CFAP54: variants seen among roughly 807,000 people sequenced by gnomAD.
CFAP54 encodes cilia and flagella associated protein 54.
CFAP54 carries 290 observed loss-of-function variants against 370.4 expected under a neutral mutation model. The observed-to-expected ratio is 0.78, with a 90% CI of 0.71 to 0.86. The LOEUF is 0.86. CFAP54 is among the 40% of genes least tolerant of loss of function. The probability of loss-of-function intolerance (pLI) is 0.00; values close to 1 mark genes in which losing one functional copy is unlikely to be tolerated. For synonymous variants in CFAP54, 1,206 were observed against 1,236.5 expected (o/e 0.98, Z 0.52); for missense variants, 3,399 against 3,528.7 (o/e 0.96, Z 0.93).
chr12:96,844,432 C>A (rs910284862), intron 66 of CFAP54, among the ~76,000 whole-genome samples: 3 of 152,128 alleles, frequency 2.0e-5, no homozygotes, highest in Admixed American at 2.0e-4. Context: ...TAAATAGATT[C>A]TCCCCTTAGA....
intron 50 of CFAP54, among the ~76,000 whole-genome samples, chr12:96,725,157 G>A (rs903255016): frequency 1.7e-4 from 26 of 152,026 alleles, no homozygotes; most frequent in Admixed American, 3.3e-4. Context: ...TTGGCGATGC[G>A]GGCTCTTTTT....
intron 50 of CFAP54, among the ~76,000 whole-genome samples, chr12:96,735,437 A>C (rs1957969223): frequency 1.3e-5 from 2 of 152,238 alleles, no homozygotes; most frequent in Admixed American, 1.3e-4. Context: ...AACACTGTGC[A>C]GAGGCTTAAG....
At chr12:96,776,771 G>A (rs1958521849) in intron 60 of CFAP54, among the ~76,000 whole-genome samples, 1 of 152,178 alleles carries the variant, frequency 6.6e-6, no homozygotes, top group African/African-American at 2.4e-5. Context: ...TCTTGCTGTT[G>A]AATGACATCT....
At chr12:96,608,459 C>T (rs1186893682) in intron 26 of CFAP54, among the ~76,000 whole-genome samples, 8 of 106,962 alleles carry the variant, frequency 7.5e-5, no homozygotes, top group African/African-American at 1.5e-4. Flanking sequence ...CATAGTAGGA[C>T]TTTTTTTTTT....
Position 96,564,761 on chromosome 12 carries a change from T to G in CFAP54, c.2615T>G (p.Leu872Trp). The G allele has an allele frequency of 1.6e-6, 1 of 613,414 alleles. No homozygotes were observed. Among genetic ancestry groups the G allele is most frequent in the South Asian group, 2.0e-5 (1 of 49,866 alleles). 38.0% of individuals were successfully genotyped at this position (613,414 alleles called of 1,614,324 possible). The change falls in exon 19 of 68, where the codon TTG (leucine) becomes TGG (tryptophan). Residue 872 changes from leucine (L) to tryptophan (W), a missense_variant. Physicochemically the swap from Leu to Trp is moderately conservative, Grantham distance 61 (BLOSUM62 -2). Around this residue, in one of 3 missense-constraint regions of CFAP54, gnomAD observed 2,796 missense variants for 2,869.7 expected, o/e 0.97. Transcript: ENST00000524981. ...DATSTSSWEL[L>W]MEAYSLIQRI... Reference sequence around the variant, plus strand: ...ACTTCTACATCTTCATGGGAACTTTTGATGGTAACAGTATTTCATTTCTTC... The same window carrying G: ...ACTTCTACATCTTCATGGGAACTTTGGATGGTAACAGTATTTCATTTCTTC...
intron 32 of CFAP54, among the ~76,000 whole-genome samples, chr12:96,631,474 TG>T (rs71797759): frequency 0.19 from 29,324 of 151,526 alleles, 3,453 homozygotes; most frequent in South Asian, 0.32. Context: ...CAATTTGCTT[TG>T]GAAATTTGCC....
intron 60 of CFAP54, among the ~76,000 whole-genome samples, chr12:96,765,858 ATATCAGATAACTGG>A (rs1290224329): frequency 6.6e-5 from 10 of 152,338 alleles, no homozygotes; most frequent in African/African-American, 2.4e-4. Context: ...ATAAACCTCT[ATATCAGATAACTGG>A]TAACAGGCAT....
At chr12:96,636,770 G>A (rs998031280) in intron 32 of CFAP54, among the ~76,000 whole-genome samples, 13 of 152,118 alleles carry the variant, frequency 8.5e-5, no homozygotes, top group African/African-American at 2.9e-4. Context: ...CCTGACCAAC[G>A]TGGTGAAACC....
At chr12:96,740,941 T>C (rs758108306) in intron 51 of CFAP54, among the ~76,000 whole-genome samples, 7 of 152,242 alleles carry the variant, frequency 4.6e-5, no homozygotes, top group Non-Finnish European at 1.5e-5. Context: ...ACAGCAGTTA[T>C]CTGGCCCTAA....
chr12:96,695,330 G>A (rs1210399099), intron 45 of CFAP54, among the ~76,000 whole-genome samples: 1 of 152,172 alleles, frequency 6.6e-6, no homozygotes, highest in Non-Finnish European at 1.5e-5. Flanking sequence ...ATTTCGCTTC[G>A]TGTCTAAACC....
chr12:96,663,948 A>G lies in CFAP54; in HGVS notation c.5563+16A>G. ...ATCTCTTCAGGTCAGAACCAATCTT[A>G]GCTTGAATGTTTGTTTTCTCTAAAT... is the stretch of plus-strand genomic sequence containing the variant. On this transcript the variant is annotated intron_variant, in intron 39 of 67. Coordinates refer to ENST00000524981, the MANE Select transcript of CFAP54 (RefSeq NM_001306084.2). 1 of 1,570,018 alleles carries G rather than the reference A, an allele frequency of 6.4e-7. No individual in the cohort carries two copies. Among genetic ancestry groups the G allele is most frequent in the Non-Finnish European group, 8.7e-7 (1 of 1,144,824 alleles).
chr12:96,545,160 T>G (rs924714777), intron 14 of CFAP54, among the ~76,000 whole-genome samples: 1 of 151,900 alleles, frequency 6.6e-6, no homozygotes, highest in Non-Finnish European at 1.5e-5. Flanking sequence ...TGATCCACCC[T>G]CCTCGGCCTC....
chr12:96,532,953 G>T (rs1565887015), intron 9 of CFAP54, among the ~76,000 whole-genome samples: 1 of 151,834 alleles, frequency 6.6e-6, no homozygotes, highest in Non-Finnish European at 1.5e-5. Context: ...CTCCCTATAG[G>T]TCTTCTTCTT....
intron 26 of CFAP54, among the ~76,000 whole-genome samples, chr12:96,614,866 C>G (rs1340839589): frequency 6.6e-6 from 1 of 152,118 alleles, no homozygotes; most frequent in Non-Finnish European, 1.5e-5. Context: ...AAAGAGGACA[C>G]AAACAAATGG....
At chr12:96,664,800 T>TAG (rs1957058605) in intron 39 of CFAP54, among the ~76,000 whole-genome samples, 1 of 37,758 alleles carries the variant, frequency 2.6e-5, no homozygotes, top group Non-Finnish European at 4.7e-5. Flanking sequence ...TATATATATA[T>TAG]ATATATATAT....
intron 38 of CFAP54, among the ~76,000 whole-genome samples, chr12:96,659,579 T>G (rs1238146357): frequency 6.6e-6 from 1 of 152,248 alleles, no homozygotes; most frequent in East Asian, 1.9e-4. Context: ...AATATCATTT[T>G]TAGTATTTTT....
chr12:96,688,989 C>T lies in CFAP54; in HGVS notation c.6081+7C>T. 6.5e-7 allele frequency: 1 copy of T among 1,529,016 alleles called. No homozygotes were observed. The highest frequency in any genetic ancestry group is 8.8e-7 in the Non-Finnish European group (1 of 1,135,288). The allele number at this position is 1,529,016 out of a possible 1,614,324, so 94.7% of individuals were successfully genotyped here. A position where few individuals can be genotyped will look rare whatever the true frequency, so the allele number is the denominator to read the frequency against. ...GTCTGCGTTACTCTTTCAGGTAACA[C>T]TCTATGTATGTATGTTTTTCCATTG... On this transcript the variant is annotated splice_region_variant and intron_variant, in intron 43 of 67. Coordinates refer to ENST00000524981, the MANE Select transcript of CFAP54 (RefSeq NM_001306084.2).
chr12:96,722,107 G>A (rs1419538192), intron 50 of CFAP54, among the ~76,000 whole-genome samples: 1 of 152,164 alleles, frequency 6.6e-6, no homozygotes, highest in African/African-American at 2.4e-5. Flanking sequence ...CCTGGCCCAT[G>A]TGCAGGAACT....
chr12:96,559,320 T>C (rs1009300371), intron 17 of CFAP54, among the ~76,000 whole-genome samples: 2 of 152,228 alleles, frequency 1.3e-5, no homozygotes, highest in African/African-American at 2.4e-5. Context: ...CCATTTTCCA[T>C]GATGTGATTA....
Sources: allele counts gnomAD v4.1 joint callset (sites outside exome capture counted in the v4.1 genomes callset), GRCh38; gene constraint gnomAD v4.1.1; regional missense constraint gnomAD v4.1.1; transcripts MANE v1.5; gene names NCBI Gene and HGNC (gene_info 2026-07-23, HGNC 2026-07-21).